Variants in ZNF503 observed in about 807,000 individuals in gnomAD.
The protein encoded by ZNF503 is zinc finger protein 503.
A neutral mutation model predicts 34.4 loss-of-function variants in ZNF503; 15 were observed. The observed-to-expected ratio is 0.44, with a 90% CI of 0.29 to 0.67. ZNF503 has a LOEUF of 0.67. Among genes scored for constraint, ZNF503 ranks in the 30% least tolerant of loss-of-function variants. The probability of loss-of-function intolerance (pLI) is 0.13; values close to 1 mark genes in which losing one functional copy is unlikely to be tolerated. For synonymous variants in ZNF503, 580 were observed against 456.8 expected (o/e 1.27, Z -3.44); for missense variants, 1,007 against 926.8 (o/e 1.09, Z -1.12).
At chr10:75,351,145 T>A in the ZNF503 span, among the ~76,000 whole-genome samples, 1 of 135,902 alleles carries the variant, frequency 7.4e-6, no homozygotes, top group Admixed American at 7.4e-5. Flanking sequence ...GAAGTCAGCC[T>A]AATGTTAAAC....
Position 75,401,526 on chromosome 10 carries a change from G to GAGC in ZNF503, c.-110_-108dup, listed in dbSNP as rs1489999713. 1.2e-5 allele frequency: 17 copies of GAGC among 1,380,344 alleles called. No individual in the cohort carries two copies. The highest frequency in any genetic ancestry group is 1.4e-5 in the Non-Finnish European group (15 of 1,035,364). 85.5% of individuals were successfully genotyped at this position (1,380,344 alleles called of 1,614,324 possible). A position where few individuals can be genotyped will look rare whatever the true frequency, so the allele number is the denominator to read the frequency against. On this transcript the variant is annotated 5_prime_UTR_variant, in exon 1 of 2. Coordinates refer to ENST00000372524, the MANE Select transcript of ZNF503 (RefSeq NM_032772.6). ...GGAGCAGGAGCAGCGGGAGGAGGAG[G>GAGC]AGCTGGCGCGGCGGCCACGGGCGCC... is the stretch of plus-strand genomic sequence containing the variant.
At chr10:75,336,432 C>G in the ZNF503 span, among the ~76,000 whole-genome samples, 92 of 147,580 alleles carry the variant, frequency 6.2e-4, no homozygotes, top group Admixed American at 1.2e-3. Context: ...TTCAAATCAT[C>G]ATCGTTATTA....
chr10:75,347,573 C>T, the ZNF503 span, among the ~76,000 whole-genome samples: 1 of 152,236 alleles, frequency 6.6e-6, no homozygotes, highest in Non-Finnish European at 1.5e-5. Context: ...GCCTCATTGC[C>T]CTTCCCTGAG....
the ZNF503 span, among the ~76,000 whole-genome samples, chr10:75,305,002 A>G: frequency 6.6e-6 from 1 of 152,146 alleles, no homozygotes; most frequent in Non-Finnish European, 1.5e-5. Flanking sequence ...GGCTAGATAA[A>G]TGCATAATTG....
chr10:75,334,456 T>C, the ZNF503 span, among the ~76,000 whole-genome samples: 1 of 152,190 alleles, frequency 6.6e-6, no homozygotes, highest in Non-Finnish European at 1.5e-5. Flanking sequence ...CCCTGGTAAG[T>C]CTTATAATTT....
At chr10:75,291,610 C>CA in the ZNF503 span, among the ~76,000 whole-genome samples, 3 of 152,024 alleles carry the variant, frequency 2.0e-5, no homozygotes, top group Admixed American at 6.6e-5. Context: ...GACTCTGTCT[C>CA]AAAAAAAATC....
the ZNF503 span, among the ~76,000 whole-genome samples, chr10:75,318,055 C>T: frequency 1.8e-4 from 27 of 152,008 alleles, no homozygotes; most frequent in African/African-American, 6.0e-4. Flanking sequence ...ATTTGTTGAG[C>T]GAGTAGATTG....
At chr10:75,374,811 G>T in the ZNF503 span, among the ~76,000 whole-genome samples, 1 of 152,208 alleles carries the variant, frequency 6.6e-6, no homozygotes, top group Non-Finnish European at 1.5e-5. Flanking sequence ...TCACAGGCAG[G>T]TGAAACTGAA....
chr10:75,291,035 T>G, the ZNF503 span, among the ~76,000 whole-genome samples: 5 of 152,302 alleles, frequency 3.3e-5, no homozygotes, highest in African/African-American at 9.6e-5. Flanking sequence ...GAGGACCAGA[T>G]AAGCTAGAAG....
chr10:75,347,340 CAAG>C, the ZNF503 span, among the ~76,000 whole-genome samples: 2 of 152,218 alleles, frequency 1.3e-5, no homozygotes, highest in Non-Finnish European at 2.9e-5. Flanking sequence ...ATTTCTCACA[CAAG>C]AAGACATGCC....
chr10:75,368,665 C>A, the ZNF503 span, among the ~76,000 whole-genome samples: 1 of 152,176 alleles, frequency 6.6e-6, no homozygotes, highest in African/African-American at 2.4e-5. Flanking sequence ...TCCACAAACC[C>A]TCATAGTTAA....
chr10:75,336,825 C>T, the ZNF503 span, among the ~76,000 whole-genome samples: 1 of 152,168 alleles, frequency 6.6e-6, no homozygotes, highest in African/African-American at 2.4e-5. Flanking sequence ...TCACTCTCAG[C>T]CTATTGAGGC....
At chr10:75,323,147 C>T in the ZNF503 span, among the ~76,000 whole-genome samples, 2 of 152,136 alleles carry the variant, frequency 1.3e-5, no homozygotes, top group Non-Finnish European at 2.9e-5. Flanking sequence ...TGACTTCTTT[C>T]ACATAGCAAA....
chr10:75,353,108 A>G, the ZNF503 span, among the ~76,000 whole-genome samples: 1 of 152,380 alleles, frequency 6.6e-6, no homozygotes, highest in Admixed American at 6.5e-5. Context: ...GCTTTAAAGT[A>G]GAGGCCATTT....
chr10:75,297,679 C>T, the ZNF503 span, among the ~76,000 whole-genome samples: 1 of 152,338 alleles, frequency 6.6e-6, no homozygotes, highest in South Asian at 2.1e-4. Flanking sequence ...TTAATTGGCT[C>T]ATTCATGGCC....
the ZNF503 span, among the ~76,000 whole-genome samples, chr10:75,334,210 C>G: frequency 4.6e-5 from 7 of 151,740 alleles, no homozygotes; most frequent in South Asian, 2.1e-4. Context: ...CCTCGGGCCC[C>G]GCGGGGCCCG....
chr10:75,311,176 G>C, the ZNF503 span, among the ~76,000 whole-genome samples: 3 of 152,198 alleles, frequency 2.0e-5, no homozygotes, highest in Non-Finnish European at 4.4e-5. Context: ...CAATGTTCGA[G>C]GGCAGGAAGC....
chr10:75,347,445 G>A, the ZNF503 span, among the ~76,000 whole-genome samples: 1 of 152,206 alleles, frequency 6.6e-6, no homozygotes, highest in Non-Finnish European at 1.5e-5. Flanking sequence ...ACCTCCTGCC[G>A]GAGGGGCTGG....
chr10:75,290,730 A>T, the ZNF503 span, among the ~76,000 whole-genome samples: 2 of 152,232 alleles, frequency 1.3e-5, no homozygotes, highest in East Asian at 1.9e-4. Context: ...AGATGAGAGG[A>T]GTTGTCTCAA....
Sources: gnomAD v4.1 joint callset for allele counts (sites outside exome capture counted in the v4.1 genomes callset) on GRCh38, gnomAD v4.1.1 for gene constraint, MANE v1.5 for transcripts, NCBI Gene and HGNC (gene_info 2026-07-23, HGNC 2026-07-21) for gene names.